Variants in CPSF4 observed in about 807,000 individuals in gnomAD.
The protein encoded by CPSF4 is cleavage and polyadenylation specific factor 4.
Under a neutral mutation model 37.7 loss-of-function variants are expected in CPSF4, and 11 were observed. That is an observed-to-expected ratio of 0.29 (90% confidence interval 0.18 to 0.48). The LOEUF is 0.48. CPSF4 is among the 20% of genes least tolerant of loss of function. The pLI is 0.99. For synonymous variants in CPSF4, 132 were observed against 135.9 expected (o/e 0.97, Z 0.20); for missense variants, 144 against 359.5 (o/e 0.40, Z 4.85).
chr7:99,447,130 T>C (rs200199646), intron 2 of CPSF4, among the ~76,000 whole-genome samples: 6 of 117,850 alleles, frequency 5.1e-5, no homozygotes, highest in Non-Finnish European at 9.6e-5. Context: ...TACTTACTTA[T>C]TTATTTATGT....
rs117896713 is a variant in CPSF4 at position 99,456,752 on chromosome 7, G to A, written c.*252G>A. The stretch of plus-strand genomic sequence containing the variant: ...GCTGGGCATCGATGCCTCCTTTCTG[G>A]GACTCCCGGCACAACTCCCCTCATC... On this transcript the variant is annotated 3_prime_UTR_variant, in exon 8 of 8. Coordinates refer to ENST00000292476, the MANE Select transcript of CPSF4 (RefSeq NM_006693.4). 9.4e-4 allele frequency: 527 copies of A among 562,264 alleles called. 4 individuals carry two copies. The East Asian group carries it at 0.016, about 17-fold the overall frequency. The allele number at this position is 562,264 out of a possible 1,614,324, so 34.8% of individuals were successfully genotyped here.
intron 5 of CPSF4, chr7:99,451,213 G>T (rs1032983147): frequency 6.2e-6 from 1 of 161,886 alleles, no homozygotes; most frequent in East Asian, 1.8e-4. Flanking sequence ...CTAACAGTGA[G>T]GGTAGGAGAG....
At chr7:99,442,582 G>A (rs59535450) in intron 1 of CPSF4, among the ~76,000 whole-genome samples, 5 of 149,154 alleles carry the variant, frequency 3.4e-5, no homozygotes, top group East Asian at 4.0e-4. Flanking sequence ...TGTGAACCCC[G>A]GTGGGGCAGA....
At chr7:99,452,465 A>G (rs775168753) in intron 6 of CPSF4, 25 bp downstream of exon 6, 2 of 1,604,784 alleles carry the variant, frequency 1.2e-6, no homozygotes, top group African/African-American at 1.3e-5. Flanking sequence ...CTTCCTCGGT[A>G]GGAAGGAAGT....
rs770041129 is a variant in CPSF4 at position 99,439,212 on chromosome 7, C to T, written c.103+27C>T. The stretch of plus-strand genomic sequence containing the variant: ...TGAGCGCGGGGCCCGGGCGGGAGGG[C>T]AAGAGCGACTCGAACCCGGGACCCG... On this transcript the variant is annotated intron_variant, in intron 1 of 7. Coordinates refer to ENST00000292476, the MANE Select transcript of CPSF4 (RefSeq NM_006693.4). 7 of 1,504,270 alleles carry T rather than the reference C, an allele frequency of 4.7e-6. No individual in the cohort carries two copies. The South Asian group carries it at 8.1e-5, about 18-fold the overall frequency. 93.2% of individuals were successfully genotyped at this position (1,504,270 alleles called of 1,614,324 possible). A position where few individuals can be genotyped will look rare whatever the true frequency, so the allele number is the denominator to read the frequency against.
At position 99,444,879 on chromosome 7, in the gene CPSF4, C is replaced by T. The variant is rs141709534; in HGVS notation, c.154+40C>T. The T allele has an allele frequency of 5.7e-4, 902 of 1,581,252 alleles. 5 individuals are homozygous for T. In the African/African-American group the frequency reaches 0.011, roughly 19 times the overall value. On this transcript the variant is annotated intron_variant, in intron 2 of 7. Coordinates refer to ENST00000292476, the MANE Select transcript of CPSF4 (RefSeq NM_006693.4). ...GCTCCCTGATGTGCCTCCGGAGGCG[C>T]CCTCCCACCTCCTTCTCCCCGGCAG...
chr7:99,442,651 G>A (rs1476816532), intron 1 of CPSF4, among the ~76,000 whole-genome samples: 15 of 73,930 alleles, frequency 2.0e-4, no homozygotes, highest in African/African-American at 9.9e-4. Context: ...GCGAGACTCC[G>A]TCTCAAAAAA....
At position 99,456,413 on chromosome 7, in the gene CPSF4, C is replaced by G. The variant is rs376916943; in HGVS notation, c.742-19C>G. Reference sequence around the variant, plus strand: ...TTGTTGTCTGTCTCTCCTCTTCCCCCACTTCCTGCTGTTCCCAGTGTGGCG... The same window carrying G: ...TTGTTGTCTGTCTCTCCTCTTCCCCGACTTCCTGCTGTTCCCAGTGTGGCG... On this transcript the variant is annotated intron_variant, in intron 7 of 7. Coordinates refer to ENST00000292476, the MANE Select transcript of CPSF4 (RefSeq NM_006693.4). 7.4e-6 allele frequency: 12 copies of G among 1,612,832 alleles called. No individual in the cohort carries two copies. In the African/African-American group the frequency reaches 1.3e-4, roughly 18 times the overall value.
intron 1 of CPSF4, among the ~76,000 whole-genome samples, chr7:99,444,419 T>C (rs45552237): frequency 0.21 from 31,614 of 151,824 alleles, 4,247 homozygotes; most frequent in Non-Finnish European, 0.3. Flanking sequence ...ATCGCGTCAT[T>C]GCACTCCAGC....
At position 99,440,673 on chromosome 7, in the gene CPSF4, TA is replaced by T. The variant is rs1370341715; in HGVS notation, c.103+1489del. Among the ~76,000 whole-genome samples, 270 of 107,728 alleles carry T rather than the reference TA, an allele frequency of 2.5e-3. 2 individuals carry two copies. The highest frequency in any genetic ancestry group is 0.016 in the Middle Eastern group (4 of 246). The allele number at this position is 107,728 out of a possible 152,430, so 70.7% of individuals were successfully genotyped here. A position where few individuals can be genotyped will look rare whatever the true frequency, so the allele number is the denominator to read the frequency against. On this transcript the variant is annotated intron_variant, in intron 1 of 7. Coordinates refer to ENST00000292476, the MANE Select transcript of CPSF4 (RefSeq NM_006693.4). ...CACCTGGCATATATATATATATATA[TA>T]TTTTTTTTTTTTTTTTTTTCCTGCC...
At chr7:99,444,343 G>A (rs539379775) in intron 1 of CPSF4, among the ~76,000 whole-genome samples, 1 of 152,198 alleles carries the variant, frequency 6.6e-6, no homozygotes, top group African/African-American at 2.4e-5. Context: ...TGTAATCCCA[G>A]CTACTTGGGA....
In CPSF4 at chr7:99,456,893, A is replaced by C; in HGVS notation, c.*393A>C. 1 of 357,596 alleles carries C rather than the reference A, an allele frequency of 2.8e-6. No individual in the cohort carries two copies. Among genetic ancestry groups the C allele is most frequent in the South Asian group, 2.2e-5 (1 of 45,186 alleles). 22.2% of individuals were successfully genotyped at this position (357,596 alleles called of 1,614,324 possible). ...ACGCCAGGGGCTGGTAGGTCATTCA[A>C]AGCTGTGGCCAGCTCACGCCTGCTT... On this transcript the variant is annotated 3_prime_UTR_variant, in exon 8 of 8. Transcript: ENST00000292476.
intron 1 of CPSF4, among the ~76,000 whole-genome samples, chr7:99,440,674 A>ATATATATATATGTTTTTTTTTT: frequency 3.4e-5 from 3 of 88,086 alleles, no homozygotes; most frequent in Admixed American, 1.2e-4. Flanking sequence ...ATATATATAT[A>ATATATATATATGTTTTTTTTTT]TTTTTTTTTT....
At chr7:99,443,577 G>C (rs1797217259) in intron 1 of CPSF4, 2 of 560,784 alleles carry the variant, frequency 3.6e-6, no homozygotes, top group East Asian at 6.2e-5. Flanking sequence ...ACTTTGGGAA[G>C]CCAAGGCAGG....
chr7:99,443,626 A>G (rs1797221269), intron 1 of CPSF4: 1 of 499,666 alleles, frequency 2.0e-6, no homozygotes, highest in African/African-American at 1.9e-5. Flanking sequence ...AGCCTGTAAT[A>G]ATTGTATGTG....
At chr7:99,455,005 T>C (rs1356746010) in intron 7 of CPSF4, among the ~76,000 whole-genome samples, 2 of 152,044 alleles carry the variant, frequency 1.3e-5, no homozygotes, top group East Asian at 3.9e-4. Flanking sequence ...CAGTGAGCTA[T>C]GACTGCACCA....
chr7:99,452,638 G>A (rs1798016491), intron 6 of CPSF4, 198 bp downstream of exon 6: 2 of 577,614 alleles, frequency 3.5e-6, no homozygotes, highest in Admixed American at 6.0e-5. Context: ...TCTTGCCCTA[G>A]AACCTCAGCA....
intron 1 of CPSF4, among the ~76,000 whole-genome samples, chr7:99,441,139 T>A (rs1392873560): frequency 2.0e-5 from 3 of 151,880 alleles, no homozygotes; most frequent in Non-Finnish European, 2.9e-5. Flanking sequence ...TTAGTAGAGA[T>A]GAGGTTTCAC....
At chr7:99,444,465 A>G (rs896378146) in intron 1 of CPSF4, among the ~76,000 whole-genome samples, 1 of 152,060 alleles carries the variant, frequency 6.6e-6, no homozygotes. Flanking sequence ...CTCAAAAAAA[A>G]AAAAATTATT....
Sources: allele counts gnomAD v4.1 joint callset (sites outside exome capture counted in the v4.1 genomes callset), GRCh38; gene constraint gnomAD v4.1.1; transcripts MANE v1.5; gene names NCBI Gene and HGNC (gene_info 2026-07-23, HGNC 2026-07-21).